Variants in NRL observed in about 807,000 individuals in gnomAD.
The protein encoded by NRL is neural retina-specific leucine zipper protein.
NRL carries 16 observed loss-of-function variants against 12.5 expected under a neutral mutation model. The observed-to-expected ratio is 1.28, with a 90% CI of 0.87 to 1.95. The LOEUF is 1.95. Ranked by LOEUF, NRL falls within the 30% of genes most tolerant of loss-of-function variation. The pLI, the probability that NRL is intolerant of heterozygous loss-of-function variation, is 0.00. For missense variants in NRL, 314 were observed against 325.8 expected (o/e 0.96, Z 0.28); for synonymous variants, 142 against 150.9 (o/e 0.94, Z 0.43).
Position 24,082,744 on chromosome 14 carries a change from AG to A in NRL, c.104del (p.Pro35LeufsTer56), listed in dbSNP as rs1566561006. On this transcript the variant is annotated frameshift_variant, in exon 2 of 3. Coordinates refer to ENST00000561028, the MANE Select transcript of NRL (RefSeq NM_001354768.3). LOFTEE classifies it high-confidence loss of function. ...REPSEGRPGPPTASLGSTPYS... is the reference protein window; with the variant it reads ...REPSEGRPGPXTASLGSTPYS... ...AAGGTGTGGAGCCCAGTGAGGCTGT[AG>A]GGGGGCCAGGTCGGCCCTCAGAGGG... 1.9e-6 allele frequency: 3 copies of A among 1,614,170 alleles called. No homozygotes were observed. The highest frequency in any genetic ancestry group is 2.5e-6 in the Non-Finnish European group (3 of 1,180,012).
At chr14:24,086,772 G>C (rs988829246) in intron 1 of NRL, among the ~76,000 whole-genome samples, 1 of 152,272 alleles carries the variant, frequency 6.6e-6, no homozygotes, top group Non-Finnish European at 1.5e-5. Flanking sequence ...GGAGGGCTAA[G>C]CTGCTAACGG....
intron 1 of NRL, chr14:24,097,287 A>G: frequency 1.3e-6 from 1 of 750,462 alleles, no homozygotes; most frequent in East Asian, 2.7e-5. Flanking sequence ...GGATTTGCTT[A>G]CGCCTATAAT....
intron 1 of NRL, among the ~76,000 whole-genome samples, chr14:24,084,162 G>A (rs748002281): frequency 8.5e-5 from 13 of 152,194 alleles, no homozygotes; most frequent in Non-Finnish European, 1.5e-4. Flanking sequence ...GGAAGACCCA[G>A]GCCTCTCTCT....
chr14:24,102,835 G>C, intron 1 of NRL: 3 of 1,613,958 alleles, frequency 1.9e-6, no homozygotes, highest in Non-Finnish European at 2.5e-6. Context: ...CAGCCTGGGA[G>C]GCCCCAGAGG....
At chr14:24,102,812 C>G in intron 1 of NRL, 1 of 1,613,806 alleles carries the variant, frequency 6.2e-7, no homozygotes, top group Non-Finnish European at 8.5e-7. Context: ...TCGCCAGTGC[C>G]CCATCATGGA....
intron 1 of NRL, chr14:24,100,388 G>A: frequency 7.3e-7 from 1 of 1,375,482 alleles, no homozygotes; most frequent in African/African-American, 1.5e-5. Context: ...AACTCCACCA[G>A]TCACTGGTTT....
chr14:24,091,189 T>C (rs2036621613), intron 1 of NRL, among the ~76,000 whole-genome samples: 1 of 149,690 alleles, frequency 6.7e-6, no homozygotes, highest in South Asian at 2.1e-4. Flanking sequence ...CTCACTGTGT[T>C]GCCCAGGCTG....
At chr14:24,084,875 G>A (rs1235547954) in intron 1 of NRL, 2 of 224,364 alleles carry the variant, frequency 8.9e-6, no homozygotes, top group Non-Finnish European at 1.5e-5. Context: ...TTCCCAGTTC[G>A]GACAGAAACA....
chr14:24,081,347 C>T lies in NRL; in HGVS notation c.603G>A (p.Leu201=). The stretch of plus-strand genomic sequence containing the variant: ...GGGCCAGGCGGGCCACCTCGGCCCG[C>T]AGCGCGTCCAGCTGGGCGGCCAGGC... ...RARLAAQLDA[L]RAEVARLARE... is the part of the protein sequence containing the mutation. The change falls in exon 3 of 3, where the codon CTG becomes CTA. Residue 201 remains leucine, a synonymous_variant. Coordinates refer to ENST00000561028, the MANE Select transcript of NRL (RefSeq NM_001354768.3). The surrounding 1 kb of genome is among the most constrained non-coding windows in gnomAD (Gnocchi z 4.4). The T allele has an allele frequency of 6.8e-7, 1 of 1,463,904 alleles. No individual in the cohort carries two copies. Among genetic ancestry groups the T allele is most frequent in the Non-Finnish European group, 9.0e-7 (1 of 1,106,302 alleles). 90.7% of individuals were successfully genotyped at this position (1,463,904 alleles called of 1,614,324 possible). A position where few individuals can be genotyped will look rare whatever the true frequency, so the allele number is the denominator to read the frequency against.
intron 1 of NRL, chr14:24,084,484 C>T (rs1427837010): frequency 1.3e-5 from 12 of 929,176 alleles, no homozygotes; most frequent in South Asian, 5.0e-5. Flanking sequence ...TCTAGGTGAG[C>T]GGCCTGACAC....
At position 24,100,395 on chromosome 14, in the gene NRL, G is replaced by A. The variant is rs991927367; in HGVS notation, c.-28+14327C>T. The A allele has an allele frequency of 7.4e-6, 10 of 1,348,804 alleles. No individual in the cohort carries two copies. The African/African-American group carries it at 1.5e-4, about 20-fold the overall frequency. 83.6% of individuals were successfully genotyped at this position (1,348,804 alleles called of 1,614,324 possible). On this transcript the variant is annotated intron_variant, in intron 1 of 2. Coordinates refer to ENST00000561028, the MANE Select transcript of NRL (RefSeq NM_001354768.3). ...CATGTCCCAACTCCACCAGTCACTG[G>A]TTTTGTGATCTGGCTAAGTTGCTCA...
At chr14:24,100,528 C>A in intron 1 of NRL, 1 of 942,724 alleles carries the variant, frequency 1.1e-6, no homozygotes, top group Non-Finnish European at 1.4e-6. Context: ...GGGTTTATCA[C>A]ACTGACAAAT....
chr14:24,082,979 T>C, intron 1 of NRL, 104 bp from the exon 2 acceptor site: 1 of 1,149,862 alleles, frequency 8.7e-7, no homozygotes, highest in Admixed American at 2.6e-5. Context: ...AGCAAGAGTT[T>C]GGGAAAGCCA....
At chr14:24,105,083 C>T (rs1159734847) in intron 1 of NRL, among the ~76,000 whole-genome samples, 1 of 152,180 alleles carries the variant, frequency 6.6e-6, no homozygotes, top group African/African-American at 2.4e-5. Flanking sequence ...GACAGCAAGT[C>T]AGTGATAAGC....
intron 1 of NRL, chr14:24,103,454 C>A: frequency 7.0e-7 from 1 of 1,421,598 alleles, no homozygotes; most frequent in Non-Finnish European, 9.6e-7. Context: ...ATGCAGGGTG[C>A]CCTTCCCTAC....
Position 24,081,659 on chromosome 14 carries a change from C to T in NRL, c.382-91G>A. The T allele has an allele frequency of 6.5e-7, 1 of 1,533,884 alleles. No individual in the cohort carries two copies. The highest frequency in any genetic ancestry group is 8.8e-7 in the Non-Finnish European group (1 of 1,140,044). ...GACGCTACCTGGCTCCGCCCCGGGACAGCCCCGCCCCGGCTCCCACCTTCA... is the reference window on the plus strand; with the variant it reads ...GACGCTACCTGGCTCCGCCCCGGGATAGCCCCGCCCCGGCTCCCACCTTCA... On this transcript the variant is annotated intron_variant, in intron 2 of 2. Transcript: ENST00000561028. The surrounding 1 kb of genome is among the most constrained non-coding windows in gnomAD (Gnocchi z 4.4).
At chr14:24,106,584 G>C (rs867983380) in intron 1 of NRL, among the ~76,000 whole-genome samples, 15 of 152,174 alleles carry the variant, frequency 9.9e-5, no homozygotes, top group Middle Eastern at 3.4e-3. Context: ...AGCCAGGCAT[G>C]GTGGCCCATG....
chr14:24,094,568 C>T lies in NRL; in HGVS notation c.-27-11693G>A. On this transcript the variant is annotated intron_variant, in intron 1 of 2. Coordinates refer to ENST00000561028, the MANE Select transcript of NRL (RefSeq NM_001354768.3). The surrounding 1 kb of genome is among the most constrained non-coding windows in gnomAD (Gnocchi z 4.1). ...AGGCGGAGGCGGGCAGGGGCGACTGCTGTGGGTCCAGCCTCCCGCGCCGCG... is the reference window on the plus strand; with the variant it reads ...AGGCGGAGGCGGGCAGGGGCGACTGTTGTGGGTCCAGCCTCCCGCGCCGCG... 1 of 1,445,590 alleles carries T rather than the reference C, an allele frequency of 6.9e-7. No homozygotes were observed. Among genetic ancestry groups the T allele is most frequent in the East Asian group, 2.5e-5 (1 of 39,788 alleles). The allele number at this position is 1,445,590 out of a possible 1,614,324, so 89.5% of individuals were successfully genotyped here. A position where few individuals can be genotyped will look rare whatever the true frequency, so the allele number is the denominator to read the frequency against.
intron 1 of NRL, chr14:24,103,451 G>A (rs1466728783): frequency 9.2e-6 from 13 of 1,409,204 alleles, no homozygotes; most frequent in African/African-American, 4.3e-5. Context: ...TGGATGCAGG[G>A]TGCCCTTCCC....
Sources: gnomAD v4.1 joint callset for allele counts (sites outside exome capture counted in the v4.1 genomes callset) on GRCh38, gnomAD v4.1.1 for gene constraint, Gnocchi (gnomAD v3.1) non-coding constraint, MANE v1.5 for transcripts, NCBI Gene and HGNC (gene_info 2026-07-23, HGNC 2026-07-21) for gene names.